The following EPAS1 variants were observed in gnomAD, a reference collection of about 807,000 sequenced individuals.
The protein encoded by EPAS1 is endothelial PAS domain-containing protein 1.
EPAS1 carries 23 observed loss-of-function variants against 87.9 expected under a neutral mutation model. The observed-to-expected ratio is 0.26, with a 90% CI of 0.19 to 0.37. The LOEUF (loss-of-function observed/expected upper bound fraction) is 0.37, where lower values mean the gene tolerates loss of function less well. EPAS1 is among the 10% of genes least tolerant of loss of function. EPAS1 has a pLI of 1.00. For synonymous variants in EPAS1, 508 were observed against 444.3 expected, an observed-to-expected ratio of 1.14 and a Z score of -1.80; for missense variants, 1,138 against 1,120.7, an observed-to-expected ratio of 1.02 and a Z score of -0.22.
At position 46,386,367 on chromosome 2, in the gene EPAS1, C is replaced by T. The variant is rs1299086369; in HGVS notation, c.*1707C>T. 1 of 152,566 alleles carries T rather than the reference C, an allele frequency of 6.6e-6. No homozygotes were observed. Among genetic ancestry groups the T allele is most frequent in the East Asian group, 1.9e-4 (1 of 5,200 alleles). 9.5% of individuals were successfully genotyped at this position (152,566 alleles called of 1,614,324 possible). A position where few individuals can be genotyped will look rare whatever the true frequency, so the allele number is the denominator to read the frequency against. On this transcript the variant is annotated 3_prime_UTR_variant, in exon 16 of 16. Transcript: ENST00000263734. ...GAAATTTAAGTTCTATGAGAAATTC[C>T]TTAGTCATGGTGTTGCGTAAATCAT...
rs111938569 is a variant in EPAS1, at chr2:46,337,897, G to C, written c.27-8976G>C. ...TTTTAAAGACAGACTTCTCCAAGCTGAGAACTATCCCAAGGGGGCTGGTGT... is the reference window on the plus strand; with the variant it reads ...TTTTAAAGACAGACTTCTCCAAGCTCAGAACTATCCCAAGGGGGCTGGTGT... On this transcript the variant is annotated intron_variant, in intron 1 of 15. Coordinates refer to ENST00000263734, the MANE Select transcript of EPAS1 (RefSeq NM_001430.5). Among the ~76,000 whole-genome samples, 34 of 152,158 alleles carry C rather than the reference G, an allele frequency of 2.2e-4. 1 individual carries two copies. Among genetic ancestry groups the C allele is most frequent in the African/African-American group, 7.5e-4 (31 of 41,532 alleles).
chr2:46,369,993 G>T, intron 7 of EPAS1, 60 bp downstream of exon 7: 2 of 1,272,704 alleles, frequency 1.6e-6, no homozygotes, highest in South Asian at 1.2e-5. Flanking sequence ...GCCTTGAGTG[G>T]GGTGTGACTG....
intron 11 of EPAS1, among the ~76,000 whole-genome samples, chr2:46,379,153 AAAT>A (rs1407903890): frequency 6.6e-6 from 1 of 152,264 alleles, no homozygotes; most frequent in Non-Finnish European, 1.5e-5. Flanking sequence ...GATTTTAAAA[AAAT>A]AATCATTTTT....
chr2:46,316,394 G>A (rs1013741702), intron 1 of EPAS1, among the ~76,000 whole-genome samples: 5 of 152,028 alleles, frequency 3.3e-5, no homozygotes, highest in Non-Finnish European at 7.4e-5. Flanking sequence ...CGAGTAGCTG[G>A]GATTTACAGA....
In EPAS1 at chr2:46,375,197, A is replaced by AC. The variant is rs1684714558; in HGVS notation, c.887-493_887-492insC. 6.6e-6 allele frequency among the ~76,000 whole-genome samples: 1 copy of AC among 151,620 alleles called. No homozygotes were observed. Among genetic ancestry groups the AC allele is most frequent in the Non-Finnish European group, 1.5e-5 (1 of 67,862 alleles). ...TCTGCTGAAAAAAAAAAACAAAAAA[A>AC]AACAAAAAAAACTGCCCTGAGGTCA... On this transcript the variant is annotated intron_variant, in intron 7 of 15. Transcript: ENST00000263734. This position sits in a 1 kb window ranked among gnomAD's most constrained non-coding sequence, Gnocchi z 4.1.
chr2:46,311,321 G>C (rs1683208504), intron 1 of EPAS1, among the ~76,000 whole-genome samples: 1 of 152,160 alleles, frequency 6.6e-6, no homozygotes, highest in African/African-American at 2.4e-5. Flanking sequence ...ACTCTGTGCA[G>C]GCTGCTGAGC....
At chr2:46,306,707 C>G (rs1683114059) in intron 1 of EPAS1, among the ~76,000 whole-genome samples, 1 of 152,152 alleles carries the variant, frequency 6.6e-6, no homozygotes, top group African/African-American at 2.4e-5. Flanking sequence ...ATGAATTCCA[C>G]ATAGAAACAA....
chr2:46,371,282 CA>C lies in EPAS1; in HGVS notation c.886+1350del, dbSNP rs1684622507. Among the ~76,000 whole-genome samples the C allele has an allele frequency of 6.6e-6, 1 of 152,174 alleles. No homozygotes were observed. Among genetic ancestry groups the C allele is most frequent in the South Asian group, 2.1e-4 (1 of 4,826 alleles). ...CTAAGACAGCCAAGTTCAGTGCAGCCAGCAGAGTCACAACCCCGCAAGCTGT... is the reference window on the plus strand; with the variant it reads ...CTAAGACAGCCAAGTTCAGTGCAGCCGCAGAGTCACAACCCCGCAAGCTGT... On this transcript the variant is annotated intron_variant, in intron 7 of 15. Coordinates refer to ENST00000263734, the MANE Select transcript of EPAS1 (RefSeq NM_001430.5). The surrounding 1 kb of genome is among the most constrained non-coding windows in gnomAD (Gnocchi z 4.3).
At position 46,374,944 on chromosome 2, in the gene EPAS1, G is replaced by A. The variant is rs143855298; in HGVS notation, c.887-746G>A. Among the ~76,000 whole-genome samples the A allele has an allele frequency of 2.3e-3, 353 of 152,202 alleles. 4 individuals are homozygous for A. The highest frequency in any genetic ancestry group is 8.3e-3 in the African/African-American group (343 of 41,522). ...CCTAGCTGGGCGGTTGGGAGAAGGA[G>A]TATAAGTGATTTATTACAGCTTATG... is the stretch of plus-strand genomic sequence containing the variant. On this transcript the variant is annotated intron_variant, in intron 7 of 15. Transcript: ENST00000263734.
chr2:46,352,696 G>C (rs1458649866), intron 2 of EPAS1, among the ~76,000 whole-genome samples: 1 of 152,194 alleles, frequency 6.6e-6, no homozygotes, highest in Non-Finnish European at 1.5e-5. Flanking sequence ...AGCAGGTGCT[G>C]TGAGGGCAAC....
rs1684853089 is a variant in EPAS1, at chr2:46,380,138, A to G, written c.1555-89A>G. On this transcript the variant is annotated intron_variant, in intron 11 of 15. Transcript: ENST00000263734. This position sits in a 1 kb window ranked among gnomAD's most constrained non-coding sequence, Gnocchi z 4.4. ...GCAGCACTGTGAAACAGTGCTTGAG[A>G]TGAATGGCTCTGCAGGAGCTGAGTT... is the stretch of plus-strand genomic sequence containing the variant. 6.3e-7 allele frequency: 1 copy of G among 1,594,172 alleles called. No individual in the cohort carries two copies. The highest frequency in any genetic ancestry group is 1.3e-5 in the African/African-American group (1 of 74,780).
intron 8 of EPAS1, 148 bp from the exon 9 acceptor site, chr2:46,376,391 A>G (rs1027316874): frequency 1.0e-5 from 8 of 774,696 alleles, no homozygotes; most frequent in South Asian, 1.0e-4. Context: ...ACACACTTCT[A>G]TTGTATGGTT....
chr2:46,303,861 CTGTGGTGAAGAATGGGGAGGAGGAAGGTG>C (rs1178391930), intron 1 of EPAS1, among the ~76,000 whole-genome samples: 4 of 152,122 alleles, frequency 2.6e-5, no homozygotes, highest in Non-Finnish European at 5.9e-5. Context: ...TTGCCTCTCC[CTGTGGTGAAGAATGGGGAGGAGGAAGGTG>C]TGTGTATTTA....
In EPAS1 at chr2:46,375,291, T is replaced by C. The variant is rs1572645812; in HGVS notation, c.887-399T>C. ...TGACGGGATGGCGCTCCTTACCCAG[T>C]GTGAAGGGGCTTCTTCTCATTGAAC... On this transcript the variant is annotated intron_variant, in intron 7 of 15. Transcript: ENST00000263734. The surrounding 1 kb of genome is among the most constrained non-coding windows in gnomAD (Gnocchi z 4.1). Among the ~76,000 whole-genome samples, 1 of 150,742 alleles carries C rather than the reference T, an allele frequency of 6.6e-6. No individual in the cohort carries two copies. The highest frequency in any genetic ancestry group is 1.5e-5 in the Non-Finnish European group (1 of 67,760).
chr2:46,347,173 A>C lies in EPAS1; in HGVS notation c.217+110A>C, dbSNP rs1684048639. On this transcript the variant is annotated intron_variant, in intron 2 of 15. Transcript: ENST00000263734. The surrounding 1 kb of genome is among the most constrained non-coding windows in gnomAD (Gnocchi z 4.2). ...AGCTGGAAAGTCACCCCACTACAGAACTTTCACCCACAGAAACACCATCAT... is the reference window on the plus strand; with the variant it reads ...AGCTGGAAAGTCACCCCACTACAGACCTTTCACCCACAGAAACACCATCAT... The C allele has an allele frequency of 3.4e-6, 4 of 1,166,320 alleles. No individual in the cohort carries two copies. The highest frequency in any genetic ancestry group is 1.5e-5 in the African/African-American group (1 of 66,420). The allele number at this position is 1,166,320 out of a possible 1,614,324, so 72.2% of individuals were successfully genotyped here.
intron 2 of EPAS1, among the ~76,000 whole-genome samples, chr2:46,351,717 C>G (rs1055828293): frequency 6.6e-6 from 1 of 152,120 alleles, no homozygotes; most frequent in African/African-American, 2.4e-5. Flanking sequence ...GCTTTAAGAA[C>G]AGTCAGAGCA....
intron 1 of EPAS1, among the ~76,000 whole-genome samples, chr2:46,339,899 A>G (rs944822058): frequency 1.3e-5 from 2 of 152,218 alleles, no homozygotes; most frequent in African/African-American, 4.8e-5. Flanking sequence ...AATCCCATTC[A>G]TGAGGACTTC....
intron 1 of EPAS1, among the ~76,000 whole-genome samples, chr2:46,343,936 C>G (rs1470138126): frequency 4.4e-4 from 67 of 152,222 alleles, no homozygotes; most frequent in Admixed American, 4.4e-3. Context: ...TCTTGCCTAC[C>G]TCACTTGGTT....
intron 9 of EPAS1, 73 bp downstream of exon 9, chr2:46,376,826 C>T (rs1684762292): frequency 1.3e-6 from 2 of 1,503,032 alleles, no homozygotes; most frequent in African/African-American, 1.4e-5. Context: ...TATAACAGGC[C>T]TCCCTGGCTG....
Sources: gnomAD v4.1 joint callset for allele counts (sites outside exome capture counted in the v4.1 genomes callset) on GRCh38, gnomAD v4.1.1 for gene constraint, Gnocchi (gnomAD v3.1) non-coding constraint, MANE v1.5 for transcripts, NCBI Gene and HGNC (gene_info 2026-07-23, HGNC 2026-07-21) for gene names.